Variants in HSPBAP1 observed in about 807,000 individuals in gnomAD.
HSPBAP1 encodes HSPB1-associated protein 1.
HSPBAP1 carries 27 observed loss-of-function variants against 45.2 expected under a neutral mutation model. The observed-to-expected ratio is 0.60, with a 90% CI of 0.44 to 0.82. HSPBAP1 has a LOEUF of 0.82. Ranked by LOEUF, HSPBAP1 falls within the 40% of genes least tolerant of loss-of-function variation. The probability of loss-of-function intolerance (pLI) is 0.00; values close to 1 mark genes in which losing one functional copy is unlikely to be tolerated. For missense variants in HSPBAP1, 510 were observed against 590.9 expected (o/e 0.86, Z 1.42); for synonymous variants, 204 against 202.7 (o/e 1.01, Z -0.06).
intron 1 of HSPBAP1, among the ~76,000 whole-genome samples, chr3:122,779,813 C>T (rs1935345074): frequency 1.3e-5 from 2 of 152,068 alleles, no homozygotes; most frequent in Admixed American, 6.6e-5. Context: ...TCAGAGAGCA[C>T]AGGGTTGGGG....
At chr3:122,772,475 T>G (rs1356443237) in intron 2 of HSPBAP1, among the ~76,000 whole-genome samples, 1 of 152,130 alleles carries the variant, frequency 6.6e-6, no homozygotes, top group Non-Finnish European at 1.5e-5. Context: ...AAACCGATGC[T>G]GGAATATACA....
At chr3:122,782,845 A>T (rs1388850109) in intron 1 of HSPBAP1, among the ~76,000 whole-genome samples, 2 of 152,242 alleles carry the variant, frequency 1.3e-5, no homozygotes, top group Non-Finnish European at 1.5e-5. Context: ...GAACTTGAGT[A>T]ATTTGTGTTT....
chr3:122,781,148 G>A (rs1226921583), intron 1 of HSPBAP1, among the ~76,000 whole-genome samples: 18 of 151,436 alleles, frequency 1.2e-4, no homozygotes, highest in Admixed American at 8.5e-4. Flanking sequence ...CTTCCCAGAC[G>A]GGGTGGCGGC....
intron 1 of HSPBAP1, among the ~76,000 whole-genome samples, chr3:122,790,158 G>A (rs1935779668): frequency 6.6e-6 from 1 of 152,216 alleles, no homozygotes; most frequent in Non-Finnish European, 1.5e-5. Flanking sequence ...CAGCATGCCT[G>A]GATGCTTCTT....
At chr3:122,785,928 C>T (rs1187111434) in intron 1 of HSPBAP1, among the ~76,000 whole-genome samples, 2 of 151,946 alleles carry the variant, frequency 1.3e-5, no homozygotes, top group Non-Finnish European at 2.9e-5. Context: ...CACGCGCGCA[C>T]ATATGGAAGT....
chr3:122,771,393 T>C (rs755062315), intron 2 of HSPBAP1, among the ~76,000 whole-genome samples: 1 of 152,214 alleles, frequency 6.6e-6, no homozygotes, highest in Admixed American at 6.5e-5. Context: ...AACTATAATG[T>C]TCATCCTACT....
chr3:122,754,740 G>T, intron 5 of HSPBAP1: 1 of 985,552 alleles, frequency 1.0e-6, no homozygotes, highest in Non-Finnish European at 1.2e-6. Flanking sequence ...GCAGCACTAT[G>T]TACAGTACCT....
chr3:122,752,903 A>C, intron 5 of HSPBAP1: 3 of 1,251,470 alleles, frequency 2.4e-6, no homozygotes, highest in East Asian at 3.5e-5. Context: ...CAGCATCTCT[A>C]TTCTCTTTAA....
chr3:122,780,938 C>A (rs996480886), intron 1 of HSPBAP1, among the ~76,000 whole-genome samples: 3 of 112,594 alleles, frequency 2.7e-5, no homozygotes, highest in African/African-American at 8.8e-5. Flanking sequence ...CAGAGGCGGT[C>A]CCCACATCTC....
At chr3:122,753,185 G>T in intron 5 of HSPBAP1, 1 of 135,366 alleles carries the variant, frequency 7.4e-6, no homozygotes, top group Non-Finnish European at 1.1e-5. Context: ...GGGAGGTCAG[G>T]GGCAACATGG....
At chr3:122,775,412 T>G (rs572863740) in intron 2 of HSPBAP1, among the ~76,000 whole-genome samples, 13 of 152,290 alleles carry the variant, frequency 8.5e-5, no homozygotes, top group African/African-American at 2.9e-4. Context: ...TATTAGTCAT[T>G]AAGGAAACAC....
intron 6 of HSPBAP1, chr3:122,741,416 G>GTT: frequency 4.7e-5 from 13 of 277,098 alleles, no homozygotes; most frequent in East Asian, 7.6e-5. Context: ...CATGTTTAAA[G>GTT]TTTTTTTTTT....
In HSPBAP1 at chr3:122,741,098, C is replaced by T; in HGVS notation, c.841G>A (p.Ala281Thr). ...CGGGTGATTGCCTCTTCTACCCGGGCTAGGTGATCCTCTTCCTGAATTAAA... is the reference window on the plus strand; with the variant it reads ...CGGGTGATTGCCTCTTCTACCCGGGTTAGGTGATCCTCTTCCTGAATTAAA... ...SWIELEEDHL[A>T]RVEEAITRML... The change falls in exon 7 of 8, where the codon GCC becomes ACC. Residue 281 changes from alanine to threonine, a missense_variant. By Grantham distance (58) the Ala-to-Thr change is moderately conservative (BLOSUM62 0). Coordinates refer to ENST00000306103, the MANE Select transcript of HSPBAP1 (RefSeq NM_024610.6). 2 of 1,613,330 alleles carry T rather than the reference C, an allele frequency of 1.2e-6. No homozygotes were observed. Among genetic ancestry groups the T allele is most frequent in the South Asian group, 2.2e-5 (2 of 91,060 alleles).
intron 3 of HSPBAP1, among the ~76,000 whole-genome samples, chr3:122,765,742 T>C (rs1442423030): frequency 6.6e-6 from 1 of 152,226 alleles, no homozygotes; most frequent in East Asian, 1.9e-4. Context: ...TTGGAAGATC[T>C]ACTAATTCAG....
At chr3:122,774,677 G>A (rs1447615406) in intron 2 of HSPBAP1, among the ~76,000 whole-genome samples, 2 of 152,228 alleles carry the variant, frequency 1.3e-5, no homozygotes, top group Non-Finnish European at 2.9e-5. Context: ...AGACTAGGAT[G>A]AGGCCACGCA....
At chr3:122,752,247 T>TGAAA (rs1449520238) in intron 6 of HSPBAP1, among the ~76,000 whole-genome samples, 1 of 152,124 alleles carries the variant, frequency 6.6e-6, no homozygotes, top group African/African-American at 2.4e-5. Flanking sequence ...CCAGATGGTG[T>TGAAA]GAAAGAGGAG....
chr3:122,768,754 C>CA lies in HSPBAP1; in HGVS notation c.378dup (p.Ala127CysfsTer2). 6.2e-7 allele frequency: 1 copy of CA among 1,612,716 alleles called. No homozygotes were observed. The highest frequency in any genetic ancestry group is 8.5e-7 in the Non-Finnish European group (1 of 1,178,778). ...AGACTGACAAAATATTTATAGTCAG[C>CA]ATAAGCCCAGAACTTGGAATGGTCA... On this transcript the variant is annotated frameshift_variant, in exon 3 of 8. Transcript: ENST00000306103. LOFTEE classifies it high-confidence loss of function.
At chr3:122,741,170 T>C in intron 6 of HSPBAP1, 57 bp from the exon 7 acceptor site, 2 of 1,220,684 alleles carry the variant, frequency 1.6e-6, no homozygotes, top group Non-Finnish European at 2.4e-6. Context: ...TTTTAAGAGA[T>C]AATAAAGTCT....
In HSPBAP1 at chr3:122,793,719, A is replaced by G; in HGVS notation, c.-39T>C. On this transcript the variant is annotated 5_prime_UTR_variant, in exon 1 of 8. Coordinates refer to ENST00000306103, the MANE Select transcript of HSPBAP1 (RefSeq NM_024610.6). The stretch of plus-strand genomic sequence containing the variant: ...CGGGTTCTGCCGGAACCCAAGGCGG[A>G]GCGGAGCTGGGGTGGGGTCAGAGTA... 2 of 1,605,974 alleles carry G rather than the reference A, an allele frequency of 1.2e-6. No individual in the cohort carries two copies. The highest frequency in any genetic ancestry group is 8.5e-7 in the Non-Finnish European group (1 of 1,173,702).
Sources: gnomAD v4.1 joint callset for allele counts (sites outside exome capture counted in the v4.1 genomes callset) on GRCh38, gnomAD v4.1.1 for gene constraint, MANE v1.5 for transcripts, NCBI Gene and HGNC (gene_info 2026-07-23, HGNC 2026-07-21) for gene names.